The following B3GALT1 variants were observed in gnomAD, a reference collection of about 807,000 sequenced individuals.
B3GALT1 encodes the protein beta-1,3-galactosyltransferase 1, also known as UDP-Gal:betaGlcNAc beta 1,3-galactosyltransferase, polypeptide 1.
B3GALT1 carries 10 observed loss-of-function variants against 23.2 expected under a neutral mutation model. The observed-to-expected ratio is 0.43, with a 90% CI of 0.27 to 0.73. The LOEUF (loss-of-function observed/expected upper bound fraction) is 0.73. Among genes scored for constraint, B3GALT1 ranks in the 30% least tolerant of loss-of-function variants. B3GALT1 has a pLI of 0.21. For synonymous variants in B3GALT1, 156 were observed against 141.5 expected (o/e 1.10, Z -0.73); for missense variants, 299 against 405.4 (o/e 0.74, Z 2.25).
intron 3 of B3GALT1, among the ~76,000 whole-genome samples, chr2:167,669,992 G>A (rs1686294906): frequency 6.6e-6 from 1 of 152,174 alleles, no homozygotes; most frequent in Non-Finnish European, 1.5e-5. Flanking sequence ...CTAACTACCT[G>A]AGAGACTTCA....
chr2:167,692,572 T>G (rs1686731318), intron 3 of B3GALT1, among the ~76,000 whole-genome samples: 1 of 152,162 alleles, frequency 6.6e-6, no homozygotes, highest in African/African-American at 2.4e-5. Context: ...GTTTGAGAAC[T>G]AACATGCATT....
chr2:167,532,725 T>C (rs1198383580), intron 2 of B3GALT1, among the ~76,000 whole-genome samples: 4 of 152,188 alleles, frequency 2.6e-5, no homozygotes, highest in African/African-American at 9.6e-5. Flanking sequence ...TTTAGGTTTT[T>C]TTTAATTGCT....
At chr2:167,472,872 A>G (rs1426513533) in intron 1 of B3GALT1, among the ~76,000 whole-genome samples, 2 of 152,128 alleles carry the variant, frequency 1.3e-5, no homozygotes, top group African/African-American at 4.8e-5. Context: ...GGATTTCTTT[A>G]TGACAAATTA....
At chr2:167,759,258 A>G (rs1273593149) in intron 3 of B3GALT1, among the ~76,000 whole-genome samples, 1 of 152,174 alleles carries the variant, frequency 6.6e-6, no homozygotes, top group Non-Finnish European at 1.5e-5. Context: ...CACCACTTCA[A>G]ACTATCAGTT....
chr2:167,304,944 T>A (rs994080250), intron 1 of B3GALT1, among the ~76,000 whole-genome samples: 9 of 152,154 alleles, frequency 5.9e-5, no homozygotes, highest in Admixed American at 3.3e-4. Flanking sequence ...CTGTCCCACC[T>A]CAAGCTGAGA....
intron 1 of B3GALT1, among the ~76,000 whole-genome samples, chr2:167,484,538 C>CGTAG (rs1699598943): frequency 1.3e-5 from 2 of 152,052 alleles, no homozygotes; most frequent in South Asian, 4.2e-4. Flanking sequence ...TCTTCTAGGT[C>CGTAG]GTAGGTGGAT....
intron 3 of B3GALT1, among the ~76,000 whole-genome samples, chr2:167,733,906 G>C (rs779846124): frequency 1.4e-4 from 21 of 152,182 alleles, no homozygotes; most frequent in Admixed American, 6.5e-5. Context: ...ACATGGTGAT[G>C]TTATGACCAA....
At chr2:167,671,386 T>A (rs551737908) in intron 3 of B3GALT1, among the ~76,000 whole-genome samples, 1 of 152,258 alleles carries the variant, frequency 6.6e-6, no homozygotes, top group African/African-American at 2.4e-5. Flanking sequence ...AAGAGAATAT[T>A]CTCCTGTTTA....
chr2:167,521,435 G>T (rs1300134767), intron 2 of B3GALT1, among the ~76,000 whole-genome samples: 1 of 151,856 alleles, frequency 6.6e-6, no homozygotes, highest in African/African-American at 2.4e-5. Context: ...CACTTTAATG[G>T]CTGTATAATC....
chr2:167,517,223 T>G (rs559923076), intron 2 of B3GALT1, among the ~76,000 whole-genome samples: 1 of 143,778 alleles, frequency 7.0e-6, no homozygotes, highest in African/African-American at 2.9e-5. Flanking sequence ...ATTGTTAAGG[T>G]TTTTTTTTCA....
At position 167,628,305 on chromosome 2, in the gene B3GALT1, T is replaced by G. The variant is rs573341458; in HGVS notation, c.-409-18604T>G. On this transcript the variant is annotated intron_variant, in intron 2 of 4. Transcript: ENST00000392690. Reference sequence around the variant, plus strand: ...TATCAGTATACATTATGCTTTCACTTTAATTCCATTTAAGGTCTATGAGAG... The same window carrying G: ...TATCAGTATACATTATGCTTTCACTGTAATTCCATTTAAGGTCTATGAGAG... 4.0e-5 allele frequency among the ~76,000 whole-genome samples: 6 copies of G among 151,738 alleles called. No individual in the cohort carries two copies. The South Asian group carries it at 1.0e-3, about 26-fold the overall frequency.
chr2:167,707,612 T>C (rs539557184), intron 3 of B3GALT1, among the ~76,000 whole-genome samples: 1 of 152,300 alleles, frequency 6.6e-6, no homozygotes, highest in South Asian at 2.1e-4. Context: ...CACAAGACAT[T>C]GCTTCTGCCT....
At chr2:167,453,853 T>A (rs1438018348) in intron 1 of B3GALT1, among the ~76,000 whole-genome samples, 1 of 152,244 alleles carries the variant, frequency 6.6e-6, no homozygotes, top group East Asian at 1.9e-4. Flanking sequence ...CATTGAATTT[T>A]CCTGTCTGTC....
intron 3 of B3GALT1, among the ~76,000 whole-genome samples, chr2:167,816,565 C>G (rs1169124010): frequency 6.6e-6 from 1 of 151,992 alleles, no homozygotes; most frequent in African/African-American, 2.4e-5. Context: ...TCTTTCATTC[C>G]TTGCTTCCCT....
At chr2:167,573,459 T>C (rs1684332611) in intron 2 of B3GALT1, among the ~76,000 whole-genome samples, 1 of 151,760 alleles carries the variant, frequency 6.6e-6, no homozygotes, top group South Asian at 2.1e-4. Context: ...AATTAATAGC[T>C]CAACGGAAAC....
At chr2:167,366,453 G>A (rs1697585590) in intron 1 of B3GALT1, among the ~76,000 whole-genome samples, 1 of 152,110 alleles carries the variant, frequency 6.6e-6, no homozygotes, top group South Asian at 2.1e-4. Flanking sequence ...TTGTACACGG[G>A]AAAACTGGGA....
chr2:167,811,658 A>G (rs1245471094), intron 3 of B3GALT1, among the ~76,000 whole-genome samples: 1 of 148,628 alleles, frequency 6.7e-6, no homozygotes, highest in East Asian at 2.1e-4. Context: ...ATCTAGTACG[A>G]TTGATTAAGG....
At position 167,525,270 on chromosome 2, in the gene B3GALT1, GT is replaced by G. The variant is rs200010512; in HGVS notation, c.-410+35001del. Among the ~76,000 whole-genome samples the G allele has an allele frequency of 1.0e-3, 156 of 151,912 alleles. 2 individuals are homozygous for G. The highest frequency in any genetic ancestry group is 3.6e-3 in the African/African-American group (150 of 41,474). The stretch of plus-strand genomic sequence containing the variant: ...AGAAAGGAAATTGTGTTTTGCTGTA[GT>G]TTTTTTTGTTTGGTACGTTTTCCTT... On this transcript the variant is annotated intron_variant, in intron 2 of 4. Coordinates refer to ENST00000392690, the MANE Select transcript of B3GALT1 (RefSeq NM_020981.4).
At chr2:167,807,577 G>A (rs1329298806) in intron 3 of B3GALT1, among the ~76,000 whole-genome samples, 2 of 151,876 alleles carry the variant, frequency 1.3e-5, no homozygotes, top group East Asian at 3.8e-4. Flanking sequence ...TATGTACCCA[G>A]TAGTCATTCT....
Sources: gnomAD v4.1 joint callset for allele counts (sites outside exome capture counted in the v4.1 genomes callset) on GRCh38, gnomAD v4.1.1 for gene constraint, MANE v1.5 for transcripts, NCBI Gene and HGNC (gene_info 2026-07-23, HGNC 2026-07-21) for gene names.